SHLD1: variants seen among roughly 807,000 people sequenced by gnomAD.
SHLD1 encodes RINN1-REV7-interacting novel NHEJ regulator 3.
A neutral mutation model predicts 5.5 loss-of-function variants in SHLD1; 3 were observed. That is an observed-to-expected ratio of 0.54 (90% CI 0.25 to 1.40). The LOEUF (loss-of-function observed/expected upper bound fraction) is 1.40. Among genes scored for constraint, SHLD1 ranks in the 40% most tolerant of loss-of-function variants. SHLD1 has a pLI of 0.15. For missense variants in SHLD1, 210 were observed against 244.4 expected (o/e 0.86, Z 0.94); for synonymous variants, 92 against 94.3 (o/e 0.98, Z 0.14).
intron 2 of SHLD1, among the ~76,000 whole-genome samples, chr20:5,857,788 A>T (rs1287008): frequency 2.6e-5 from 4 of 151,470 alleles, no homozygotes; most frequent in African/African-American, 9.7e-5. Context: ...CAACCTGGGG[A>T]CAACAGAGCA....
At chr20:5,778,413 G>A (rs923068892) in intron 2 of SHLD1, among the ~76,000 whole-genome samples, 2 of 151,376 alleles carry the variant, frequency 1.3e-5, no homozygotes, top group African/African-American at 4.9e-5. Flanking sequence ...GACCAGCCTG[G>A]ACAACGTAGC....
rs1394909332 is a variant in SHLD1, at chr20:5,823,453, T to G, written c.179-39571T>G. On this transcript the variant is annotated intron_variant, in intron 2 of 2. Transcript: ENST00000303142. ...TAGACTTGTTTTTTGTTGTTTTTTG[T>G]TTTTTTTTTTTTGAGATGGAGTTTT... 2.7e-4 allele frequency among the ~76,000 whole-genome samples: 7 copies of G among 25,720 alleles called. No individual in the cohort carries two copies. In the South Asian group the frequency reaches 7.1e-3, roughly 26 times the overall value. 16.9% of individuals were successfully genotyped at this position (25,720 alleles called of 152,430 possible).
chr20:5,788,226 C>G (rs936309014), intron 2 of SHLD1, among the ~76,000 whole-genome samples: 1 of 152,006 alleles, frequency 6.6e-6, no homozygotes, highest in Non-Finnish European at 1.5e-5. Context: ...AATTGAGGGG[C>G]AAATTTAAAT....
At chr20:5,773,111 T>G in intron 2 of SHLD1, 68 bp downstream of exon 2, 1 of 1,521,646 alleles carries the variant, frequency 6.6e-7, no homozygotes, top group Non-Finnish European at 9.1e-7. Context: ...TGTGATAGTT[T>G]GTTTCTCTCT....
chr20:5,753,064 G>C (rs1318611467), intron 1 of SHLD1, among the ~76,000 whole-genome samples: 1 of 152,162 alleles, frequency 6.6e-6, no homozygotes, highest in Non-Finnish European at 1.5e-5. Context: ...CTCCCAAAGT[G>C]CTGGGATTAC....
At chr20:5,853,741 C>A (rs931927650) in intron 2 of SHLD1, among the ~76,000 whole-genome samples, 2 of 152,264 alleles carry the variant, frequency 1.3e-5, no homozygotes, top group Middle Eastern at 6.8e-3. Context: ...TAGACTATGT[C>A]CCCTGCCTCT....
rs1236716239 is a variant in SHLD1, at chr20:5,778,119, T to C, written c.178+5076T>C. The stretch of plus-strand genomic sequence containing the variant: ...AGGCAGGAGGATCCCTTTTTCTTTT[T>C]TTTTTTTTTTTTTTTGAGACAGAGT... On this transcript the variant is annotated intron_variant, in intron 2 of 2. Transcript: ENST00000303142. Among the ~76,000 whole-genome samples the C allele has an allele frequency of 4.9e-5, 7 of 142,794 alleles. No homozygotes were observed. In the East Asian group the frequency reaches 8.1e-4, roughly 17 times the overall value. The allele number at this position is 142,794 out of a possible 152,430, so 93.7% of individuals were successfully genotyped here. A position where few individuals can be genotyped will look rare whatever the true frequency, so the allele number is the denominator to read the frequency against.
At chr20:5,812,598 C>G (rs190493347) in intron 2 of SHLD1, among the ~76,000 whole-genome samples, 36 of 152,294 alleles carry the variant, frequency 2.4e-4, no homozygotes, top group African/African-American at 8.7e-4. Context: ...AATAAATCAT[C>G]ATGAATGAGA....
intron 2 of SHLD1, among the ~76,000 whole-genome samples, chr20:5,791,933 C>T (rs1335803144): frequency 2.0e-5 from 3 of 152,154 alleles, no homozygotes; most frequent in African/African-American, 7.2e-5. Context: ...CTGGTTTTGA[C>T]TTGCACTTTT....
At chr20:5,780,358 G>A (rs1031963686) in intron 2 of SHLD1, among the ~76,000 whole-genome samples, 2 of 152,146 alleles carry the variant, frequency 1.3e-5, no homozygotes, top group African/African-American at 4.8e-5. Flanking sequence ...AGGGGTTGGG[G>A]TTCACAGTGG....
intron 2 of SHLD1, among the ~76,000 whole-genome samples, chr20:5,833,506 C>T (rs748681957): frequency 2.6e-5 from 4 of 151,996 alleles, no homozygotes; most frequent in Non-Finnish European, 5.9e-5. Context: ...TGGTTGAGGG[C>T]AATGTGACAT....
chr20:5,794,448 T>C (rs2087183679), intron 2 of SHLD1, among the ~76,000 whole-genome samples: 1 of 152,240 alleles, frequency 6.6e-6, no homozygotes, highest in Admixed American at 6.5e-5. Context: ...ACAGGCCCCT[T>C]ACAGAGAAGT....
At chr20:5,769,132 C>T (rs237415) in intron 1 of SHLD1, among the ~76,000 whole-genome samples, 30,850 of 152,012 alleles carry the variant, frequency 0.2, 3,257 homozygotes, top group Non-Finnish European at 0.23. Context: ...GTCTTCAACT[C>T]CTGGGCTCAA....
chr20:5,801,325 T>C (rs6085280), intron 2 of SHLD1, among the ~76,000 whole-genome samples: 129,296 of 151,930 alleles, frequency 0.85, 55,262 homozygotes, highest in East Asian at 1. Context: ...ATCCACCCAC[T>C]TCCGCCTCCC....
At chr20:5,813,843 T>C (rs1371924441) in intron 2 of SHLD1, among the ~76,000 whole-genome samples, 2 of 151,768 alleles carry the variant, frequency 1.3e-5, no homozygotes, top group Non-Finnish European at 2.9e-5. Context: ...CACTATTTCC[T>C]CCATTTATAG....
intron 2 of SHLD1, among the ~76,000 whole-genome samples, chr20:5,804,048 C>T (rs1320471293): frequency 6.6e-6 from 1 of 151,982 alleles, no homozygotes; most frequent in African/African-American, 2.4e-5. Context: ...CAGTGGCTCA[C>T]ACCTGTAATG....
chr20:5,835,064 T>C (rs1027775611), intron 2 of SHLD1, among the ~76,000 whole-genome samples: 4 of 152,138 alleles, frequency 2.6e-5, no homozygotes, highest in African/African-American at 9.7e-5. Flanking sequence ...CTCAAACTTA[T>C]TAGAAAATGG....
chr20:5,833,549 T>A (rs1370605364), intron 2 of SHLD1, among the ~76,000 whole-genome samples: 24 of 152,024 alleles, frequency 1.6e-4, no homozygotes. Context: ...TGCTTGATTA[T>A]GTTGCTATAA....
At chr20:5,853,129 T>G (rs180752048) in intron 2 of SHLD1, among the ~76,000 whole-genome samples, 16 of 152,184 alleles carry the variant, frequency 1.1e-4, no homozygotes, top group African/African-American at 3.9e-4. Context: ...TGCCAGACAC[T>G]GTGTTAGGCC....
Sources: allele counts gnomAD v4.1 joint callset (sites outside exome capture counted in the v4.1 genomes callset), GRCh38; gene constraint gnomAD v4.1.1; transcripts MANE v1.5; gene names NCBI Gene and HGNC (gene_info 2026-07-23, HGNC 2026-07-21).